TTC1: variants seen among roughly 807,000 people sequenced by gnomAD.
TTC1 encodes tetratricopeptide repeat protein 1.
Under a neutral mutation model 37.6 loss-of-function variants are expected in TTC1, and 31 were observed. The ratio of observed to expected loss-of-function variants is 0.82; its 90% CI spans 0.62 to 1.11. The LOEUF is 1.11. TTC1 is among the 50% of genes most tolerant of loss of function. TTC1 has a pLI of 0.00. For missense variants in TTC1, 351 were observed against 339.0 expected, an observed-to-expected ratio of 1.04 and a Z score of -0.28; for synonymous variants, 127 against 122.4, an observed-to-expected ratio of 1.04 and a Z score of -0.25.
At chr5:160,046,839 C>G (rs1229504217) in intron 5 of TTC1, among the ~76,000 whole-genome samples, 2 of 152,084 alleles carry the variant, frequency 1.3e-5, no homozygotes, top group African/African-American at 4.8e-5. Context: ...TGGTGAAACC[C>G]TGTCTCTACT....
intron 4 of TTC1, among the ~76,000 whole-genome samples, chr5:160,037,589 A>G (rs1162588457): frequency 6.6e-6 from 1 of 152,100 alleles, no homozygotes; most frequent in African/African-American, 2.4e-5. Context: ...GGTGGTGGGC[A>G]CCTGTAATCC....
intron 7 of TTC1, among the ~76,000 whole-genome samples, chr5:160,055,573 G>T (rs76155355): frequency 0.072 from 10,931 of 152,322 alleles, 472 homozygotes; most frequent in East Asian, 0.12. Context: ...CATGCCAAAA[G>T]GCATGATATC....
intron 5 of TTC1, among the ~76,000 whole-genome samples, chr5:160,049,023 A>G (rs1475268614): frequency 6.6e-6 from 1 of 152,198 alleles, no homozygotes; most frequent in Non-Finnish European, 1.5e-5. Context: ...GACTGGGTAA[A>G]TGACAAGTAG....
intron 5 of TTC1, among the ~76,000 whole-genome samples, chr5:160,046,512 C>T (rs1242518037): frequency 6.6e-6 from 1 of 152,000 alleles, no homozygotes; most frequent in African/African-American, 2.4e-5. Context: ...TGTATTTTCT[C>T]CCTAAGTGAT....
At chr5:160,022,112 A>G (rs1196952028) in intron 2 of TTC1, among the ~76,000 whole-genome samples, 4 of 152,260 alleles carry the variant, frequency 2.6e-5, no homozygotes, top group Admixed American at 2.6e-4. Context: ...TGTTGAGCAC[A>G]TGCTTACCAT....
intron 7 of TTC1, among the ~76,000 whole-genome samples, chr5:160,055,317 A>G (rs1396790631): frequency 6.6e-6 from 1 of 152,262 alleles, no homozygotes; most frequent in Non-Finnish European, 1.5e-5. Context: ...GGTAGCAGAT[A>G]GAGTCATCTA....
intron 4 of TTC1, among the ~76,000 whole-genome samples, chr5:160,040,570 T>C (rs1434515921): frequency 1.3e-5 from 2 of 152,154 alleles, no homozygotes; most frequent in Non-Finnish European, 2.9e-5. Context: ...AAAAATATTT[T>C]CTTTATGTCC....
chr5:160,056,412 T>C (rs1318793460), intron 7 of TTC1, among the ~76,000 whole-genome samples: 1 of 152,202 alleles, frequency 6.6e-6, no homozygotes, highest in African/African-American at 2.4e-5. Flanking sequence ...GAATTAAGAA[T>C]ACCATCTGGA....
At chr5:160,032,350 C>T (rs1336553432) in intron 2 of TTC1, among the ~76,000 whole-genome samples, 1 of 152,052 alleles carries the variant, frequency 6.6e-6, no homozygotes, top group Non-Finnish European at 1.5e-5. Flanking sequence ...ATGATTTAAC[C>T]CCTCTCTAAA....
intron 5 of TTC1, among the ~76,000 whole-genome samples, chr5:160,045,518 A>T (rs1027275045): frequency 0.051 from 3,323 of 65,562 alleles, 315 homozygotes; most frequent in Admixed American, 0.13. Context: ...ACACACATAC[A>T]CACTCTCTCT....
chr5:160,062,932 C>T (rs1753468812), intron 7 of TTC1, among the ~76,000 whole-genome samples: 1 of 152,104 alleles, frequency 6.6e-6, no homozygotes, highest in African/African-American at 2.4e-5. Context: ...TGTTGTGAGC[C>T]CCTCCCTCTA....
At chr5:160,039,352 TTGTC>T (rs1034897416) in intron 4 of TTC1, among the ~76,000 whole-genome samples, 2 of 152,064 alleles carry the variant, frequency 1.3e-5, no homozygotes, top group Non-Finnish European at 2.9e-5. Flanking sequence ...TTAGATTTGT[TTGTC>T]CTTATATGCT....
At chr5:160,049,761 C>A (rs1240797599) in intron 6 of TTC1, 99 bp downstream of exon 6, 1 of 1,127,062 alleles carries the variant, frequency 8.9e-7, no homozygotes, top group South Asian at 2.1e-5. Context: ...AATTCCATTT[C>A]TGTGCTTTTG....
At chr5:160,011,942 C>T (rs1407794199) in intron 2 of TTC1, among the ~76,000 whole-genome samples, 1 of 152,200 alleles carries the variant, frequency 6.6e-6, no homozygotes, top group African/African-American at 2.4e-5. Context: ...AGCATCTTCT[C>T]TTTCTCTCTC....
At chr5:160,015,208 C>T (rs1222418729) in intron 2 of TTC1, among the ~76,000 whole-genome samples, 1 of 152,072 alleles carries the variant, frequency 6.6e-6, no homozygotes, top group Non-Finnish European at 1.5e-5. Flanking sequence ...TCCATTAAAG[C>T]TTTTTTCTTC....
At chr5:160,058,622 AG>A (rs1757612392) in intron 7 of TTC1, among the ~76,000 whole-genome samples, 1 of 151,946 alleles carries the variant, frequency 6.6e-6, no homozygotes, top group Non-Finnish European at 1.5e-5. Context: ...CGTGGTAGCC[AG>A]GATGGTCTTG....
intron 2 of TTC1, among the ~76,000 whole-genome samples, chr5:160,017,331 C>T (rs1278537929): frequency 6.6e-6 from 1 of 152,142 alleles, no homozygotes; most frequent in East Asian, 1.9e-4. Context: ...AAGGTGCCAG[C>T]AATTTTAGTG....
chr5:160,032,880 ATT>A (rs76223586), intron 2 of TTC1, among the ~76,000 whole-genome samples: 3 of 145,774 alleles, frequency 2.1e-5, no homozygotes, highest in Admixed American at 6.8e-5. Context: ...CACCCAGCTA[ATT>A]TTTTTTTTTG....
At chr5:160,043,030 G>A in intron 4 of TTC1, 103 bp from the exon 5 acceptor site, 1 of 1,182,544 alleles carries the variant, frequency 8.5e-7, no homozygotes, top group Non-Finnish European at 1.2e-6. Context: ...AAACCATTCT[G>A]TATCTCCATA....
Sources: allele counts gnomAD v4.1 joint callset (sites outside exome capture counted in the v4.1 genomes callset), GRCh38; gene constraint gnomAD v4.1.1; transcripts MANE v1.5; gene names NCBI Gene and HGNC (gene_info 2026-07-23, HGNC 2026-07-21).